Variants in PLEKHA7 observed in about 807,000 individuals in gnomAD.
PLEKHA7 encodes the protein pleckstrin homology domain containing A7.
In PLEKHA7, 104 loss-of-function variants were observed where a neutral mutation model predicts 170.0. That is an observed-to-expected ratio of 0.61 (90% confidence interval 0.52 to 0.72). The LOEUF is 0.72. Ranked by LOEUF, PLEKHA7 falls within the 30% of genes least tolerant of loss-of-function variation. PLEKHA7 has a pLI of 0.00. For synonymous variants in PLEKHA7, 648 were observed against 660.8 expected, an observed-to-expected ratio of 0.98 and a Z score of 0.30; for missense variants, 1,615 against 1,671.7, an observed-to-expected ratio of 0.97 and a Z score of 0.59.
At chr11:16,960,807 C>T (rs1862013346) in intron 3 of PLEKHA7, among the ~76,000 whole-genome samples, 2 of 152,128 alleles carry the variant, frequency 1.3e-5, no homozygotes, top group Non-Finnish European at 2.9e-5. Flanking sequence ...GGGAACACTG[C>T]CATGAGGGAC....
intron 3 of PLEKHA7, among the ~76,000 whole-genome samples, chr11:16,981,968 C>A (rs532697368): frequency 3.9e-5 from 6 of 152,288 alleles, no homozygotes; most frequent in Non-Finnish European, 7.4e-5. Flanking sequence ...AAACAAAAAA[C>A]CCCACTCCAC....
chr11:16,915,625 T>A (rs1858598323), intron 3 of PLEKHA7, among the ~76,000 whole-genome samples: 1 of 151,144 alleles, frequency 6.6e-6, no homozygotes, highest in Non-Finnish European at 1.5e-5. Context: ...TGGTTTTTTG[T>A]TCTTGCGATA....
At chr11:16,972,675 C>A (rs938508926) in intron 3 of PLEKHA7, among the ~76,000 whole-genome samples, 9 of 152,154 alleles carry the variant, frequency 5.9e-5, no homozygotes, top group Non-Finnish European at 2.9e-5. Context: ...CCTGCCTTGG[C>A]CTCCCAAAGT....
intron 24 of PLEKHA7, among the ~76,000 whole-genome samples, chr11:16,784,451 G>A (rs544803100): frequency 9.2e-5 from 14 of 152,202 alleles, no homozygotes; most frequent in Non-Finnish European, 2.1e-4. Context: ...ATGTGATGGT[G>A]CTTTCTGTCC....
chr11:16,789,104 G>A lies in PLEKHA7; in HGVS notation c.3349C>T (p.Leu1117Phe). Residue 1117 changes from leucine to phenylalanine, a missense_variant, in exon 23 of 27, where the codon CTT (leucine) becomes TTT (phenylalanine). Coordinates refer to ENST00000531066, the MANE Select transcript of PLEKHA7 (RefSeq NM_001329630.2). This position sits in a 1 kb window ranked among gnomAD's most constrained non-coding sequence, Gnocchi z 4.6. ...RYLSRPLPGD[L>F]GSWKREQDFD... ...GGCCCCTCCTAACATACTGAGCCAA[G>A]ATCTCCAGGGAGCGGCCGGCTGAGG... The A allele has an allele frequency of 3.1e-6, 5 of 1,603,372 alleles. No individual in the cohort carries two copies. Among genetic ancestry groups the A allele is most frequent in the Non-Finnish European group, 2.5e-6 (3 of 1,179,950 alleles).
chr11:16,791,117 C>A lies in PLEKHA7; in HGVS notation c.2828G>T (p.Arg943Ile). The stretch of plus-strand genomic sequence containing the variant: ...TGTGTGCCGGATGATGGTGGCCTCT[C>A]TTGGCAGAGGCGGCACAGCCGGGGG... Reference protein sequence around the residue: ...DQPPAVPPLPREATIIRHTSV... With the variant: ...DQPPAVPPLPIEATIIRHTSV... The change falls in exon 20 of 27, where the codon AGA becomes ATA. Residue 943 changes from arginine (R) to isoleucine (I), a missense_variant. Arg to Ile is a moderately conservative substitution (Grantham distance 97, BLOSUM62 -3). Coordinates refer to ENST00000531066, the MANE Select transcript of PLEKHA7 (RefSeq NM_001329630.2). The surrounding 1 kb of genome is among the most constrained non-coding windows in gnomAD (Gnocchi z 4.5). 1 of 1,614,142 alleles carries A rather than the reference C, an allele frequency of 6.2e-7. No homozygotes were observed. Among genetic ancestry groups the A allele is most frequent in the South Asian group, 1.1e-5 (1 of 91,072 alleles).
intron 3 of PLEKHA7, among the ~76,000 whole-genome samples, chr11:16,900,214 C>T (rs549960879): frequency 2.6e-5 from 4 of 152,330 alleles, no homozygotes; most frequent in Non-Finnish European, 5.9e-5. Flanking sequence ...CTCTCACAGG[C>T]TGTAAATCCT....
At chr11:16,780,293 C>T (rs1848927739) in intron 26 of PLEKHA7, among the ~76,000 whole-genome samples, 1 of 152,260 alleles carries the variant, frequency 6.6e-6, no homozygotes, top group Non-Finnish European at 1.5e-5. Flanking sequence ...CACTGCCTCT[C>T]ATCACTAGAT....
intron 4 of PLEKHA7, among the ~76,000 whole-genome samples, chr11:16,856,920 G>C (rs1266974666): frequency 6.6e-6 from 1 of 152,194 alleles, no homozygotes; most frequent in African/African-American, 2.4e-5. Flanking sequence ...ACAGAAAACT[G>C]AGGCTCTTTG....
intron 3 of PLEKHA7, among the ~76,000 whole-genome samples, chr11:16,998,608 T>G (rs1470317650): frequency 6.6e-6 from 1 of 152,184 alleles, no homozygotes; most frequent in Non-Finnish European, 1.5e-5. Flanking sequence ...CAAACACGTC[T>G]ACACATTTTC....
chr11:16,979,600 C>CTT (rs1162426503), intron 3 of PLEKHA7, among the ~76,000 whole-genome samples: 4 of 152,102 alleles, frequency 2.6e-5, no homozygotes, highest in African/African-American at 7.2e-5. Flanking sequence ...ATTTTCCATT[C>CTT]TTTTTTCCTC....
intron 13 of PLEKHA7, chr11:16,807,095 A>T: frequency 1.1e-6 from 1 of 900,500 alleles, no homozygotes; most frequent in Non-Finnish European, 1.3e-6. Flanking sequence ...GCACCGAGCC[A>T]GAAGCAATGG....
At chr11:16,831,578 C>T (rs925435868) in intron 9 of PLEKHA7, among the ~76,000 whole-genome samples, 2 of 152,200 alleles carry the variant, frequency 1.3e-5, no homozygotes, top group African/African-American at 4.8e-5. Context: ...TTCAAAAACA[C>T]AGGAAATTCC....
chr11:16,827,599 T>C (rs1850757617), intron 9 of PLEKHA7, among the ~76,000 whole-genome samples: 2 of 152,158 alleles, frequency 1.3e-5, no homozygotes, highest in African/African-American at 4.8e-5. Context: ...TCCTCTTTCA[T>C]GGTCCATCTC....
At chr11:16,956,037 G>A (rs1276679687) in intron 3 of PLEKHA7, among the ~76,000 whole-genome samples, 2 of 152,146 alleles carry the variant, frequency 1.3e-5, no homozygotes, top group Non-Finnish European at 1.5e-5. Flanking sequence ...GGATGAGTAT[G>A]GTAAGTGACC....
chr11:16,786,789 A>G (rs532256624), intron 23 of PLEKHA7: 15 of 985,420 alleles, frequency 1.5e-5, no homozygotes, highest in East Asian at 1.1e-4. Flanking sequence ...GAATTAATGG[A>G]AAAACACGCC....
intron 3 of PLEKHA7, among the ~76,000 whole-genome samples, chr11:16,988,668 A>C (rs770910905): frequency 1.3e-5 from 2 of 148,884 alleles, no homozygotes; most frequent in Non-Finnish European, 3.0e-5. Context: ...GGCTGGTCGA[A>C]CTCCTGACCT....
intron 3 of PLEKHA7, among the ~76,000 whole-genome samples, chr11:16,889,418 A>ATAT (rs59197162): frequency 2.8e-3 from 287 of 103,322 alleles, no homozygotes; most frequent in African/African-American, 8.8e-3. Flanking sequence ...AAAAAAAAAA[A>ATAT]AAATATATAT....
At chr11:16,930,410 C>T (rs1202310653) in intron 3 of PLEKHA7, among the ~76,000 whole-genome samples, 1 of 152,208 alleles carries the variant, frequency 6.6e-6, no homozygotes, top group African/African-American at 2.4e-5. Context: ...TGTGCCACTT[C>T]ACTCCAGCCT....
Sources: gnomAD v4.1 joint callset for allele counts (sites outside exome capture counted in the v4.1 genomes callset) on GRCh38, gnomAD v4.1.1 for gene constraint, Gnocchi (gnomAD v3.1) non-coding constraint, MANE v1.5 for transcripts, NCBI Gene and HGNC (gene_info 2026-07-23, HGNC 2026-07-21) for gene names.